RUNX1: variants seen among roughly 807,000 people sequenced by gnomAD.
RUNX1 encodes the protein runt-related transcription factor 1.
A neutral mutation model predicts 42.8 loss-of-function variants in RUNX1; 19 were observed. That is an observed-to-expected ratio of 0.44 (90% CI 0.31 to 0.65). RUNX1 has a LOEUF of 0.65. RUNX1 is among the 30% of genes least tolerant of loss of function. RUNX1 has a pLI of 0.07. For synonymous variants in RUNX1, 271 were observed against 289.4 expected (o/e 0.94, Z 0.64); for missense variants, 528 against 672.0 (o/e 0.79, Z 2.37).
chr21:34,845,061 G>T lies in RUNX1; in HGVS notation c.614-10460C>A, dbSNP rs562498815. On this transcript the variant is annotated intron_variant, in intron 6 of 8. Coordinates refer to ENST00000675419, the MANE Select transcript of RUNX1 (RefSeq NM_001754.5). ...CACTTCTATGCACTGTTGTCCACGT[G>T]CCAGAAGCAGCCACCTGCTGAGAAG... Among the ~76,000 whole-genome samples, 10 of 152,352 alleles carry T rather than the reference G, an allele frequency of 6.6e-5. No homozygotes were observed. In the South Asian group the frequency reaches 2.1e-3, roughly 32 times the overall value.
At chr21:34,962,075 T>C (rs1296262115) in intron 2 of RUNX1, among the ~76,000 whole-genome samples, 1 of 152,122 alleles carries the variant, frequency 6.6e-6, no homozygotes, top group Non-Finnish European at 1.5e-5. Context: ...GAAAAAAAAT[T>C]TTTTGTAGAG....
chr21:34,888,125 T>C, intron 3 of RUNX1: 1 of 1,066,328 alleles, frequency 9.4e-7, no homozygotes, highest in Non-Finnish European at 1.1e-6. Context: ...AGCCACTGTC[T>C]ACATCAGCTG....
intron 2 of RUNX1, among the ~76,000 whole-genome samples, chr21:35,019,769 C>T (rs1291496711): frequency 6.6e-6 from 1 of 152,122 alleles, no homozygotes; most frequent in Non-Finnish European, 1.5e-5. Context: ...CCTGCCGAAG[C>T]CAAGTCCATC....
intron 2 of RUNX1, among the ~76,000 whole-genome samples, chr21:35,013,237 T>C (rs563568186): frequency 6.6e-6 from 1 of 152,368 alleles, no homozygotes; most frequent in East Asian, 1.9e-4. Context: ...ATAGATTTAG[T>C]TGAATTTTCA....
chr21:34,989,905 T>C (rs2058923350), intron 2 of RUNX1, among the ~76,000 whole-genome samples: 1 of 152,146 alleles, frequency 6.6e-6, no homozygotes, highest in Admixed American at 6.5e-5. Flanking sequence ...GGATTACCTC[T>C]TACGCTCCAA....
At chr21:34,992,873 C>T (rs545312862) in intron 2 of RUNX1, among the ~76,000 whole-genome samples, 4 of 152,210 alleles carry the variant, frequency 2.6e-5, no homozygotes, top group African/African-American at 9.6e-5. Flanking sequence ...GGGGCCCATC[C>T]AAGTCCAGTT....
At chr21:34,990,627 A>T (rs1289154667) in intron 2 of RUNX1, among the ~76,000 whole-genome samples, 1 of 151,296 alleles carries the variant, frequency 6.6e-6, no homozygotes, top group African/African-American at 2.4e-5. Flanking sequence ...AACGGATATA[A>T]TGTTGGGATA....
At chr21:34,897,172 A>G (rs2058137341) in intron 2 of RUNX1, among the ~76,000 whole-genome samples, 1 of 152,154 alleles carries the variant, frequency 6.6e-6, no homozygotes, top group South Asian at 2.1e-4. Context: ...CTTTGCCCTC[A>G]TCCAGTCTGT....
At chr21:35,043,559 A>G (rs1262926847) in intron 2 of RUNX1, among the ~76,000 whole-genome samples, 3 of 152,236 alleles carry the variant, frequency 2.0e-5, no homozygotes, top group African/African-American at 7.2e-5. Flanking sequence ...TTATTAAGCT[A>G]AGAAGATTTG....
intron 3 of RUNX1, 154 bp from the exon 4 acceptor site, chr21:34,887,250 G>A (rs1488760741): frequency 1.3e-6 from 1 of 752,488 alleles, no homozygotes; most frequent in Non-Finnish European, 1.9e-6. Flanking sequence ...GGTGGGGGGG[G>A]GCGGGGGTGG....
intron 2 of RUNX1, chr21:35,038,835 C>A: frequency 2.3e-6 from 1 of 441,224 alleles, no homozygotes; most frequent in Non-Finnish European, 4.6e-6. Context: ...TTGGCCGAGG[C>A]CATCTCTGAA....
intron 8 of RUNX1, among the ~76,000 whole-genome samples, chr21:34,796,090 C>G (rs901969342): frequency 6.6e-6 from 1 of 152,144 alleles, no homozygotes; most frequent in African/African-American, 2.4e-5. Flanking sequence ...TTACTGGAAT[C>G]CAGAGTGAGT....
chr21:35,024,954 A>G (rs1168950194), intron 2 of RUNX1, among the ~76,000 whole-genome samples: 1 of 152,244 alleles, frequency 6.6e-6, no homozygotes. Flanking sequence ...AAGCTTGACA[A>G]TACCTGTCTT....
At chr21:34,998,408 C>G (rs754098677) in intron 2 of RUNX1, among the ~76,000 whole-genome samples, 1 of 152,178 alleles carries the variant, frequency 6.6e-6, no homozygotes, top group Non-Finnish European at 1.5e-5. Context: ...CTCCCTCCCC[C>G]ACCTCCATCC....
chr21:34,890,895 T>A (rs1194079888), intron 3 of RUNX1, among the ~76,000 whole-genome samples: 1 of 151,878 alleles, frequency 6.6e-6, no homozygotes, highest in East Asian at 1.9e-4. Context: ...TGGTCTCCAA[T>A]GCATTTCCCC....
intron 7 of RUNX1, among the ~76,000 whole-genome samples, chr21:34,829,308 G>A (rs962883926): frequency 2.0e-5 from 3 of 152,178 alleles, no homozygotes; most frequent in Admixed American, 1.3e-4. Context: ...GTGCATGGGT[G>A]TGCTGGCCTA....
At chr21:34,942,182 C>G (rs1178300977) in intron 2 of RUNX1, among the ~76,000 whole-genome samples, 1 of 152,050 alleles carries the variant, frequency 6.6e-6, no homozygotes, top group Non-Finnish European at 1.5e-5. Context: ...TGTGTGCTCA[C>G]AGTGATAGAA....
intron 7 of RUNX1, among the ~76,000 whole-genome samples, chr21:34,809,862 G>A (rs2249884): frequency 0.31 from 46,998 of 152,124 alleles, 7,668 homozygotes; most frequent in East Asian, 0.37. Context: ...GTCTGGGACT[G>A]CAGAGGCTAC....
intron 2 of RUNX1, among the ~76,000 whole-genome samples, chr21:34,950,615 T>C (rs1041927090): frequency 3.3e-5 from 5 of 152,324 alleles, no homozygotes; most frequent in Admixed American, 1.3e-4. Context: ...CGGGTGCCTG[T>C]AGTCTCAGCT....
Sources: allele counts gnomAD v4.1 joint callset (sites outside exome capture counted in the v4.1 genomes callset), GRCh38; gene constraint gnomAD v4.1.1; transcripts MANE v1.5; gene names NCBI Gene and HGNC (gene_info 2026-07-23, HGNC 2026-07-21).